The following PTPRD variants were observed in gnomAD, a reference collection of about 807,000 sequenced individuals.
PTPRD encodes receptor-type tyrosine-protein phosphatase delta.
A neutral mutation model predicts 214.5 loss-of-function variants in PTPRD; 34 were observed. That is an observed-to-expected ratio of 0.16 (90% CI 0.12 to 0.21). PTPRD has a LOEUF of 0.21. Among genes scored for constraint, PTPRD ranks in the 10% least tolerant of loss-of-function variants. The probability of loss-of-function intolerance (pLI) is 1.00; values close to 1 mark genes in which losing one functional copy is unlikely to be tolerated. For missense variants in PTPRD, 2,545 were observed against 2,398.7 expected (o/e 1.06, Z -1.27); for synonymous variants, 1,128 against 845.7 (o/e 1.33, Z -5.79).
chr9:10,512,315 G>C (rs1264398513), intron 2 of PTPRD, among the ~76,000 whole-genome samples: 2 of 151,922 alleles, frequency 1.3e-5, no homozygotes, highest in East Asian at 3.9e-4. Flanking sequence ...TATGTGAGTA[G>C]AAGATTTCAA....
chr9:10,570,634 T>C (rs1187920172), intron 2 of PTPRD, among the ~76,000 whole-genome samples: 2 of 152,102 alleles, frequency 1.3e-5, no homozygotes, highest in African/African-American at 4.8e-5. Context: ...TTCCATGGCC[T>C]GGCCCAGCTT....
At chr9:10,497,557 A>G (rs1290485667) in intron 2 of PTPRD, among the ~76,000 whole-genome samples, 1 of 152,046 alleles carries the variant, frequency 6.6e-6, no homozygotes, top group East Asian at 1.9e-4. Flanking sequence ...CGCATTTAAA[A>G]GTCTATAATT....
intron 5 of PTPRD, among the ~76,000 whole-genome samples, chr9:9,937,717 T>C (rs889206855): frequency 6.6e-6 from 1 of 152,140 alleles, no homozygotes; most frequent in African/African-American, 2.4e-5. Flanking sequence ...TACTATTCTT[T>C]GAAACTGTGG....
At chr9:8,421,288 CCT>C (rs886980090) in intron 35 of PTPRD, among the ~76,000 whole-genome samples, 1 of 151,864 alleles carries the variant, frequency 6.6e-6, no homozygotes, top group Non-Finnish European at 1.5e-5. Flanking sequence ...TCCTTCTCTC[CCT>C]CTCTCTTCTT....
intron 9 of PTPRD, among the ~76,000 whole-genome samples, chr9:9,331,811 T>A (rs72698843): frequency 1.3e-5 from 2 of 152,028 alleles, no homozygotes; most frequent in South Asian, 4.1e-4. Context: ...GCATGCACAA[T>A]TGGGGCTGTT....
chr9:10,336,466 A>G (rs572482266), intron 3 of PTPRD, among the ~76,000 whole-genome samples: 5 of 151,656 alleles, frequency 3.3e-5, no homozygotes, highest in Non-Finnish European at 7.4e-5. Context: ...CATTTGCCAG[A>G]ATTCAGTCAC....
intron 3 of PTPRD, among the ~76,000 whole-genome samples, chr9:10,213,115 A>C (rs1254874975): frequency 1.3e-5 from 2 of 152,184 alleles, no homozygotes; most frequent in Non-Finnish European, 2.9e-5. Flanking sequence ...TAGAGATGTA[A>C]GTTTATTGTA....
intron 8 of PTPRD, among the ~76,000 whole-genome samples, chr9:9,529,556 C>G (rs1283723645): frequency 2.6e-5 from 4 of 151,886 alleles, no homozygotes; most frequent in Non-Finnish European, 4.4e-5. Context: ...TGGAGAAATG[C>G]AAAACAAAAC....
At chr9:9,458,904 C>T (rs1162651860) in intron 8 of PTPRD, among the ~76,000 whole-genome samples, 8 of 151,994 alleles carry the variant, frequency 5.3e-5, no homozygotes, top group African/African-American at 1.9e-4. Flanking sequence ...TGCACCACCG[C>T]AATCCAGGCT....
intron 10 of PTPRD, among the ~76,000 whole-genome samples, chr9:9,048,716 C>T (rs2099678593): frequency 5.9e-5 from 9 of 151,946 alleles, no homozygotes; most frequent in Admixed American, 5.9e-4. Flanking sequence ...CTATTTTAAA[C>T]AGAGTAGAAA....
intron 2 of PTPRD, among the ~76,000 whole-genome samples, chr9:10,467,318 T>C (rs1023429927): frequency 6.6e-6 from 1 of 152,340 alleles, no homozygotes; most frequent in African/African-American, 2.4e-5. Context: ...AATTTGCTTG[T>C]GAAATATCTG....
At chr9:9,421,441 T>C (rs1006867620) in intron 8 of PTPRD, among the ~76,000 whole-genome samples, 1 of 152,106 alleles carries the variant, frequency 6.6e-6, no homozygotes, top group Non-Finnish European at 1.5e-5. Context: ...ATAAAATATT[T>C]CTGAAAACGA....
intron 32 of PTPRD, among the ~76,000 whole-genome samples, chr9:8,465,034 A>C (rs917783049): frequency 3.3e-5 from 5 of 151,958 alleles, no homozygotes; most frequent in African/African-American, 1.2e-4. Context: ...TGCCATGTTG[A>C]ATGGCCAAGC....
chr9:10,086,005 T>A (rs535783176), intron 3 of PTPRD, among the ~76,000 whole-genome samples: 46 of 151,864 alleles, frequency 3.0e-4, no homozygotes, highest in African/African-American at 1.1e-3. Context: ...GGTGGTGCAA[T>A]TTAATGACTA....
intron 14 of PTPRD, among the ~76,000 whole-genome samples, chr9:8,561,130 T>A (rs2086113320): frequency 6.6e-6 from 1 of 152,132 alleles, no homozygotes; most frequent in Non-Finnish European, 1.5e-5. Flanking sequence ...TTCTGATTGA[T>A]CCCCACCCTT....
intron 2 of PTPRD, among the ~76,000 whole-genome samples, chr9:10,579,556 C>A (rs551852039): frequency 1.3e-4 from 20 of 152,072 alleles, no homozygotes; most frequent in Non-Finnish European, 2.5e-4. Context: ...TTTCTATTGT[C>A]AGTAGTACTG....
At chr9:9,158,211 C>T (rs2099882998) in intron 10 of PTPRD, among the ~76,000 whole-genome samples, 1 of 152,100 alleles carries the variant, frequency 6.6e-6, no homozygotes, top group African/African-American at 2.4e-5. Flanking sequence ...TATTTATATT[C>T]CTGGCTATGT....
chr9:9,606,965 T>TAAAAAAAAAAAAAAAAAAAAAAAAA, intron 7 of PTPRD, among the ~76,000 whole-genome samples: 1 of 27,456 alleles, frequency 3.6e-5, no homozygotes, highest in Non-Finnish European at 6.0e-5. Context: ...TCAGCACTGC[T>TAAAAAAAAAAAAAAAAAAAAAAAAA]AAAAAAAAAA....
chr9:9,917,296 T>A (rs1602045772), intron 5 of PTPRD, among the ~76,000 whole-genome samples: 10 of 47,522 alleles, frequency 2.1e-4, no homozygotes, highest in Admixed American at 6.9e-4. Context: ...AGCCATTAGC[T>A]AGACTGAAAA....
Sources: allele counts gnomAD v4.1 joint callset (sites outside exome capture counted in the v4.1 genomes callset), GRCh38; gene constraint gnomAD v4.1.1; transcripts MANE v1.5; gene names NCBI Gene and HGNC (gene_info 2026-07-23, HGNC 2026-07-21).